The following MRPL48 variants were observed in gnomAD, a reference collection of about 807,000 sequenced individuals.
The protein encoded by MRPL48 is large ribosomal subunit protein mL48.
In MRPL48, 16 loss-of-function variants were observed where a neutral mutation model predicts 32.9. The observed-to-expected ratio is 0.49, with a 90% confidence interval of 0.33 to 0.74. MRPL48 has a LOEUF of 0.74. MRPL48 is among the 30% of genes least tolerant of loss of function. The pLI is 0.02. For synonymous variants in MRPL48, 94 were observed against 89.2 expected, an observed-to-expected ratio of 1.05 and a Z score of -0.31; for missense variants, 206 against 245.3, an observed-to-expected ratio of 0.84 and a Z score of 1.07.
At position 73,864,625 on chromosome 11, in the gene MRPL48, G is replaced by A. The variant is rs995137657; in HGVS notation, c.*255G>A. On this transcript the variant is annotated 3_prime_UTR_variant, in exon 8 of 8. Coordinates refer to ENST00000310614, the MANE Select transcript of MRPL48 (RefSeq NM_016055.6). ...TGTGTATATGTATGTGTGTGTGAGA[G>A]AGAGAAATTGGCCCATCCTGTGGAG... The A allele has an allele frequency of 8.2e-6, 4 of 490,506 alleles. No homozygotes were observed. The highest frequency in any genetic ancestry group is 1.5e-5 in the Non-Finnish European group (4 of 271,202). The allele number at this position is 490,506 out of a possible 1,614,324, so 30.4% of individuals were successfully genotyped here. A position where few individuals can be genotyped will look rare whatever the true frequency, so the allele number is the denominator to read the frequency against.
chr11:73,849,005 T>TCAAA (rs1565108235), intron 5 of MRPL48, among the ~76,000 whole-genome samples: 5 of 152,028 alleles, frequency 3.3e-5, no homozygotes, highest in Non-Finnish European at 7.4e-5. Flanking sequence ...GTATTTTTAG[T>TCAAA]AGAGTTGGGG....
intron 1 of MRPL48, among the ~76,000 whole-genome samples, chr11:73,794,558 G>GAAA (rs202160777): frequency 7.1e-6 from 1 of 140,870 alleles, no homozygotes; most frequent in Non-Finnish European, 1.6e-5. Flanking sequence ...TCCATCTCTG[G>GAAA]AAAAAAAAAA....
intron 4 of MRPL48, among the ~76,000 whole-genome samples, chr11:73,831,125 C>T (rs1367777402): frequency 2.0e-5 from 3 of 152,134 alleles, no homozygotes. Flanking sequence ...TAGACATGAG[C>T]CACCGTGCCC....
intron 1 of MRPL48, among the ~76,000 whole-genome samples, chr11:73,804,649 C>T (rs181934956): frequency 1.0e-3 from 156 of 152,242 alleles, no homozygotes; most frequent in African/African-American, 3.5e-3. Context: ...GCTTTACTTA[C>T]GAAATTGTCT....
At chr11:73,852,123 C>T (rs946342769) in intron 5 of MRPL48, among the ~76,000 whole-genome samples, 2 of 152,100 alleles carry the variant, frequency 1.3e-5, no homozygotes, top group African/African-American at 2.4e-5. Context: ...TACATTAATA[C>T]TTGGTTTCCT....
chr11:73,803,823 G>T (rs1468565577), intron 1 of MRPL48, among the ~76,000 whole-genome samples: 2 of 152,102 alleles, frequency 1.3e-5, no homozygotes, highest in Non-Finnish European at 2.9e-5. Context: ...TTGAGTCCAG[G>T]AGATTGAGGC....
chr11:73,820,976 T>G lies in MRPL48; in HGVS notation c.113-4732T>G, dbSNP rs182151635. The stretch of plus-strand genomic sequence containing the variant: ...CATAGCCCTCCCTGTGCTTTTTGTT[T>G]TCATCACTTACCAGAATTTGTAATT... On this transcript the variant is annotated intron_variant, in intron 3 of 7. Transcript: ENST00000310614. 3.9e-5 allele frequency among the ~76,000 whole-genome samples: 6 copies of G among 152,184 alleles called. No individual in the cohort carries two copies. In the East Asian group the frequency reaches 9.7e-4, roughly 25 times the overall value.
At chr11:73,817,949 T>C in intron 3 of MRPL48, 1 of 198,892 alleles carries the variant, frequency 5.0e-6, no homozygotes, top group South Asian at 6.9e-5. Flanking sequence ...GGATTACAGG[T>C]ATGCGCTACC....
intron 6 of MRPL48, among the ~76,000 whole-genome samples, chr11:73,862,473 CCTGTTAT>C (rs1948599654): frequency 6.6e-6 from 1 of 151,990 alleles, no homozygotes; most frequent in Admixed American, 6.6e-5. Flanking sequence ...GTGGCAGGCA[CCTGTTAT>C]CTCAGCTGCT....
intron 4 of MRPL48, among the ~76,000 whole-genome samples, chr11:73,828,248 A>G (rs924341371): frequency 3.1e-4 from 46 of 149,150 alleles, no homozygotes; most frequent in African/African-American, 1.1e-3. Flanking sequence ...TTTTTTTTAA[A>G]TAGAATCTCT....
chr11:73,799,115 G>C (rs1947311553), intron 1 of MRPL48, among the ~76,000 whole-genome samples: 1 of 152,114 alleles, frequency 6.6e-6, no homozygotes, highest in Non-Finnish European at 1.5e-5. Flanking sequence ...GCTTTTCCAG[G>C]ATGCCTAAGA....
intron 4 of MRPL48, among the ~76,000 whole-genome samples, chr11:73,834,915 T>C (rs1948068825): frequency 6.6e-6 from 1 of 151,440 alleles, no homozygotes; most frequent in African/African-American, 2.4e-5. Flanking sequence ...CACTGCAACC[T>C]CAAACTCTTG....
chr11:73,790,763 G>A (rs539983634), intron 1 of MRPL48, among the ~76,000 whole-genome samples: 7 of 151,860 alleles, frequency 4.6e-5, no homozygotes, highest in African/African-American at 1.5e-4. Context: ...CTGGCTTCAA[G>A]CAGTCCTCCC....
intron 4 of MRPL48, among the ~76,000 whole-genome samples, chr11:73,837,485 T>C (rs1243138745): frequency 6.6e-6 from 1 of 152,200 alleles, no homozygotes; most frequent in South Asian, 2.1e-4. Flanking sequence ...ATCTGCTCTT[T>C]CCAGCAAAGT....
At chr11:73,825,676 A>C in intron 3 of MRPL48, 32 bp from the exon 4 acceptor site, 1 of 1,532,532 alleles carries the variant, frequency 6.5e-7, no homozygotes, top group African/African-American at 1.4e-5. Flanking sequence ...CAACAACAAA[A>C]AAACAGGTTT....
chr11:73,824,678 T>G (rs1947851530), intron 3 of MRPL48, among the ~76,000 whole-genome samples: 1 of 152,030 alleles, frequency 6.6e-6, no homozygotes, highest in African/African-American at 2.4e-5. Context: ...TAGTCACAGT[T>G]AGAAAACTTC....
chr11:73,804,922 G>T, intron 1 of MRPL48, 105 bp from the exon 2 acceptor site: 2 of 1,001,740 alleles, frequency 2.0e-6, no homozygotes, highest in South Asian at 1.7e-5. Flanking sequence ...GAGCCTTTTT[G>T]TCCTTTTCTG....
chr11:73,832,487 C>T (rs1670574), intron 4 of MRPL48: 6,198 of 152,538 alleles, frequency 0.041, 425 homozygotes, highest in African/African-American at 0.14. Flanking sequence ...CAGGGGAGCA[C>T]AGCTAGTCAT....
chr11:73,828,141 G>A (rs1320757713), intron 4 of MRPL48, among the ~76,000 whole-genome samples: 2 of 151,940 alleles, frequency 1.3e-5, no homozygotes, highest in Non-Finnish European at 2.9e-5. Flanking sequence ...GTAACTTCAC[G>A]ATGCTGTGCA....
Sources: gnomAD v4.1 joint callset for allele counts (sites outside exome capture counted in the v4.1 genomes callset) on GRCh38, gnomAD v4.1.1 for gene constraint, MANE v1.5 for transcripts, NCBI Gene and HGNC (gene_info 2026-07-23, HGNC 2026-07-21) for gene names.